Variants in IGSF21 observed in about 807,000 individuals in gnomAD.
The protein encoded by IGSF21 is immunoglobulin superfamily member 21.
IGSF21 carries 28 observed loss-of-function variants against 46.8 expected under a neutral mutation model. The observed-to-expected ratio is 0.60, with a 90% CI of 0.44 to 0.82. IGSF21 has a LOEUF of 0.82. Among genes scored for constraint, IGSF21 ranks in the 40% least tolerant of loss-of-function variants. The pLI is 0.00. For missense variants in IGSF21, 624 were observed against 665.5 expected (o/e 0.94, Z 0.69); for synonymous variants, 284 against 273.6 (o/e 1.04, Z -0.38).
intron 1 of IGSF21, among the ~76,000 whole-genome samples, chr1:18,148,193 C>T (rs1050828284): frequency 7.0e-6 from 1 of 142,992 alleles, no homozygotes; most frequent in Non-Finnish European, 1.5e-5. Flanking sequence ...TGCAGTGGCG[C>T]GATCTCATCT....
intron 2 of IGSF21, among the ~76,000 whole-genome samples, chr1:18,284,523 G>A (rs1387564425): frequency 6.6e-6 from 1 of 152,204 alleles, no homozygotes; most frequent in African/African-American, 2.4e-5. Context: ...TTTGCAAGAT[G>A]CTTTTACATA....
At chr1:18,127,963 A>AT in intron 1 of IGSF21, among the ~76,000 whole-genome samples, 1 of 152,278 alleles carries the variant, frequency 6.6e-6, no homozygotes, top group East Asian at 1.9e-4. Context: ...TCTGACATCC[A>AT]TAACTATTTA....
rs953967768 is a variant in IGSF21 at position 18,171,275 on chromosome 1, C to G, written c.71-56623C>G. On this transcript the variant is annotated intron_variant, in intron 1 of 9. Transcript: ENST00000251296. ...GATTCACAATCCTCCCAAATGAAGACTCATCCTTAGGGCCTGATGGGATCC... is the reference window on the plus strand; with the variant it reads ...GATTCACAATCCTCCCAAATGAAGAGTCATCCTTAGGGCCTGATGGGATCC... Among the ~76,000 whole-genome samples, 15 of 152,110 alleles carry G rather than the reference C, an allele frequency of 9.9e-5. No homozygotes were observed. The East Asian group carries it at 2.9e-3, about 29-fold the overall frequency.
At chr1:18,193,599 G>A (rs1445236140) in intron 1 of IGSF21, among the ~76,000 whole-genome samples, 1 of 152,122 alleles carries the variant, frequency 6.6e-6, no homozygotes, top group African/African-American at 2.4e-5. Context: ...ACCTTTTCAT[G>A]TTTTTCTGCC....
chr1:18,223,679 G>T (rs1464605546), intron 1 of IGSF21, among the ~76,000 whole-genome samples: 1 of 152,332 alleles, frequency 6.6e-6, no homozygotes, highest in Non-Finnish European at 1.5e-5. Context: ...CAGAAGGAGA[G>T]GCAGATGTGC....
At chr1:18,108,734 C>T (rs1557540038) in intron 1 of IGSF21, among the ~76,000 whole-genome samples, 1 of 151,532 alleles carries the variant, frequency 6.6e-6, no homozygotes, top group African/African-American at 2.4e-5. Flanking sequence ...TGAGGTTTGG[C>T]GTTTCACGTG....
chr1:18,167,978 G>T (rs563451066), intron 1 of IGSF21, among the ~76,000 whole-genome samples: 12 of 152,194 alleles, frequency 7.9e-5, no homozygotes, highest in African/African-American at 2.4e-4. Flanking sequence ...CACCTCTACC[G>T]CAGGAACACC....
At chr1:18,128,307 C>T (rs2086290349) in intron 1 of IGSF21, among the ~76,000 whole-genome samples, 1 of 152,262 alleles carries the variant, frequency 6.6e-6, no homozygotes, top group East Asian at 1.9e-4. Flanking sequence ...AGGAGCAGAG[C>T]AGCTTCTCTA....
At chr1:18,341,012 CTCTTCTTCTTCT>C (rs10536109) in intron 4 of IGSF21, among the ~76,000 whole-genome samples, 42 of 85,094 alleles carry the variant, frequency 4.9e-4, no homozygotes, top group African/African-American at 9.1e-4. Flanking sequence ...CCTCCTTCTT[CTCTTCTTCTTCT>C]TCTTCTTCTT....
intron 2 of IGSF21, among the ~76,000 whole-genome samples, chr1:18,235,756 G>C (rs565879429): frequency 1.3e-5 from 2 of 152,324 alleles, no homozygotes; most frequent in African/African-American, 4.8e-5. Flanking sequence ...AAGCAGAGAA[G>C]TAACAGGGTC....
Position 18,164,730 on chromosome 1 carries a change from T to TTA in IGSF21, c.70+56546_70+56547dup, listed in dbSNP as rs200826301. Among the ~76,000 whole-genome samples, 695 of 150,938 alleles carry TTA rather than the reference T, an allele frequency of 4.6e-3. 7 individuals are homozygous for TTA. Among genetic ancestry groups the TTA allele is most frequent in the African/African-American group, 0.016 (649 of 41,278 alleles). On this transcript the variant is annotated intron_variant, in intron 1 of 9. Coordinates refer to ENST00000251296, the MANE Select transcript of IGSF21 (RefSeq NM_032880.5). The stretch of plus-strand genomic sequence containing the variant: ...TGTTCCTTTGTTGGTATTTTTTCTT[T>TTA]TATATATATATATATTTATTATACT...
chr1:18,244,672 C>T (rs1233400538), intron 2 of IGSF21, among the ~76,000 whole-genome samples: 2 of 152,146 alleles, frequency 1.3e-5, no homozygotes, highest in Admixed American at 1.3e-4. Flanking sequence ...CCACAGAGGC[C>T]CCTGCCCTGG....
chr1:18,146,023 C>A (rs60631606), intron 1 of IGSF21, among the ~76,000 whole-genome samples: 2,191 of 152,200 alleles, frequency 0.014, 55 homozygotes, highest in African/African-American at 0.05. Context: ...TTGGCACTGA[C>A]CCTGGCTCTG....
chr1:18,141,733 T>C (rs113936659), intron 1 of IGSF21, among the ~76,000 whole-genome samples: 338 of 152,294 alleles, frequency 2.2e-3, no homozygotes, highest in African/African-American at 7.7e-3. Context: ...TCTCCAGCTG[T>C]TTCACAAGTT....
At chr1:18,304,589 T>C (rs1569770363) in intron 3 of IGSF21, among the ~76,000 whole-genome samples, 1 of 152,126 alleles carries the variant, frequency 6.6e-6, no homozygotes, top group East Asian at 1.9e-4. Context: ...CATTCCACAG[T>C]GCTCAATGCA....
At chr1:18,278,202 G>A (rs2085121349) in intron 2 of IGSF21, among the ~76,000 whole-genome samples, 1 of 106,092 alleles carries the variant, frequency 9.4e-6, no homozygotes, top group Non-Finnish European at 1.9e-5. Context: ...AAACATGGCT[G>A]CATTCATTTA....
intron 1 of IGSF21, among the ~76,000 whole-genome samples, chr1:18,175,937 C>G (rs2086791503): frequency 6.6e-6 from 1 of 152,232 alleles, no homozygotes; most frequent in Non-Finnish European, 1.5e-5. Flanking sequence ...GGCAGTAGAT[C>G]ATGCCCAGCA....
chr1:18,230,348 G>T (rs1051212174), intron 2 of IGSF21, among the ~76,000 whole-genome samples: 1 of 152,304 alleles, frequency 6.6e-6, no homozygotes, highest in Admixed American at 6.5e-5. Flanking sequence ...GTAGTTTTAA[G>T]AATCAGTGGC....
intron 2 of IGSF21, among the ~76,000 whole-genome samples, chr1:18,235,507 A>C (rs1445209935): frequency 1.3e-5 from 2 of 152,256 alleles, no homozygotes; most frequent in African/African-American, 4.8e-5. Flanking sequence ...CAAAGGCAAC[A>C]GGAAACCTAC....
Sources: allele counts gnomAD v4.1 joint callset (sites outside exome capture counted in the v4.1 genomes callset), GRCh38; gene constraint gnomAD v4.1.1; transcripts MANE v1.5; gene names NCBI Gene and HGNC (gene_info 2026-07-23, HGNC 2026-07-21).